The following TAF4B variants were observed in gnomAD, a reference collection of about 807,000 sequenced individuals.
TAF4B encodes the protein transcription initiation factor TFIID subunit 4B.
Under a neutral mutation model 86.4 loss-of-function variants are expected in TAF4B, and 38 were observed. The observed-to-expected ratio is 0.44, with a 90% CI of 0.34 to 0.58. The LOEUF (loss-of-function observed/expected upper bound fraction) is 0.58. Ranked by LOEUF, TAF4B falls within the 20% of genes least tolerant of loss-of-function variation. The probability of loss-of-function intolerance (pLI) is 0.02; values close to 1 mark genes in which losing one functional copy is unlikely to be tolerated. For missense variants in TAF4B, 988 were observed against 1,027.6 expected (o/e 0.96, Z 0.53); for synonymous variants, 388 against 391.2 (o/e 0.99, Z 0.10).
At chr18:26,248,977 T>C (rs981145708) in intron 1 of TAF4B, among the ~76,000 whole-genome samples, 1 of 150,288 alleles carries the variant, frequency 6.7e-6, no homozygotes, top group African/African-American at 2.4e-5. Context: ...ATCAAGACCA[T>C]CCTGGCCAAC....
At chr18:26,304,240 A>C (rs2056772064) in intron 9 of TAF4B, among the ~76,000 whole-genome samples, 1 of 149,660 alleles carries the variant, frequency 6.7e-6, no homozygotes, top group South Asian at 2.1e-4. Flanking sequence ...ATATGTTCAC[A>C]TTTAAAGATA....
intron 12 of TAF4B, among the ~76,000 whole-genome samples, chr18:26,334,554 C>A (rs2057075673): frequency 6.6e-6 from 1 of 152,048 alleles, no homozygotes. Context: ...TCTTCTTATG[C>A]CAGTTCTGTA....
intron 11 of TAF4B, among the ~76,000 whole-genome samples, chr18:26,321,670 A>G (rs2144677214): frequency 6.6e-6 from 1 of 152,122 alleles, no homozygotes; most frequent in African/African-American, 2.4e-5. Context: ...TAAAATTATT[A>G]CTATTTAGTT....
At chr18:26,333,247 G>A (rs2057065645) in intron 12 of TAF4B, among the ~76,000 whole-genome samples, 1 of 150,656 alleles carries the variant, frequency 6.6e-6, no homozygotes, top group South Asian at 2.1e-4. Flanking sequence ...TGGAGACAGG[G>A]TCTTGCTGTG....
intron 10 of TAF4B, among the ~76,000 whole-genome samples, chr18:26,319,646 A>G (rs993204068): frequency 1.3e-5 from 2 of 151,508 alleles, no homozygotes; most frequent in Non-Finnish European, 2.9e-5. Context: ...CTGGAGCGCA[A>G]TGGTGCGATC....
rs78040519 is a variant in TAF4B, at chr18:26,354,581, T to C, written c.2317-3109T>C. On this transcript the variant is annotated intron_variant, in intron 13 of 14. Coordinates refer to ENST00000269142, the MANE Select transcript of TAF4B (RefSeq NM_005640.3). ...TCCTATGGCTTGAGCTGTTAGAAAC[T>C]GTGTTAATGTTTTTTAGGCCAAGGT... 9.8e-3 allele frequency among the ~76,000 whole-genome samples: 1,494 copies of C among 152,308 alleles called. 12 individuals are homozygous for C. The highest frequency in any genetic ancestry group is 0.033 in the African/African-American group (1,389 of 41,550).
chr18:26,289,819 A>G (rs952428992), intron 7 of TAF4B, among the ~76,000 whole-genome samples: 1 of 152,208 alleles, frequency 6.6e-6, no homozygotes, highest in African/African-American at 2.4e-5. Context: ...TTTTCTCAGC[A>G]GATGTTCAGG....
At chr18:26,381,223 C>T (rs1435587301) in intron 14 of TAF4B, among the ~76,000 whole-genome samples, 1 of 151,790 alleles carries the variant, frequency 6.6e-6, no homozygotes, top group Non-Finnish European at 1.5e-5. Flanking sequence ...CCATGTTTCC[C>T]AGGCTGGTCT....
intron 1 of TAF4B, among the ~76,000 whole-genome samples, chr18:26,247,658 G>T (rs1219928773): frequency 6.6e-6 from 1 of 152,146 alleles, no homozygotes. Context: ...GAGGCAGGCA[G>T]ATCACTTGTG....
Position 26,346,245 on chromosome 18 carries a change from A to C in TAF4B, c.2316+11014A>C, listed in dbSNP as rs143185136. On this transcript the variant is annotated intron_variant, in intron 13 of 14. Transcript: ENST00000269142. ...ATAAAAAATACAGTTGAGACCTTTA[A>C]CAATACCCTACACCAAGCAGAAAAA... Among the ~76,000 whole-genome samples the C allele has an allele frequency of 2.9e-3, 441 of 152,238 alleles. 5 individuals carry two copies. Among genetic ancestry groups the C allele is most frequent in the East Asian group, 0.019 (98 of 5,176 alleles).
chr18:26,319,252 G>A (rs2056939336), intron 10 of TAF4B, among the ~76,000 whole-genome samples: 1 of 151,882 alleles, frequency 6.6e-6, no homozygotes, highest in African/African-American at 2.4e-5. Flanking sequence ...AGCACTTTGG[G>A]AAGCTGAGGC....
intron 14 of TAF4B, among the ~76,000 whole-genome samples, chr18:26,382,968 A>T (rs1434873674): frequency 6.6e-6 from 1 of 152,212 alleles, no homozygotes; most frequent in East Asian, 1.9e-4. Flanking sequence ...AATCCAAAAG[A>T]ACTTAGATGA....
intron 1 of TAF4B, among the ~76,000 whole-genome samples, chr18:26,262,693 C>T (rs1465045331): frequency 1.3e-5 from 2 of 152,080 alleles, no homozygotes; most frequent in Admixed American, 1.3e-4. Context: ...GTTGGCCAGG[C>T]TTGTCTCAAA....
In TAF4B at chr18:26,306,609, G is replaced by A. The variant is rs188580041; in HGVS notation, c.1833-8620G>A. On this transcript the variant is annotated intron_variant, in intron 9 of 14. Coordinates refer to ENST00000269142, the MANE Select transcript of TAF4B (RefSeq NM_005640.3). ...TGGAAAAGGAGTATTTATAATCTCA[G>A]CTATTTCTTAGATATTTTTGTACAA... Among the ~76,000 whole-genome samples, 51 of 152,128 alleles carry A rather than the reference G, an allele frequency of 3.4e-4. No homozygotes were observed. In the East Asian group the frequency reaches 6.0e-3, roughly 18 times the overall value.
intron 6 of TAF4B, among the ~76,000 whole-genome samples, chr18:26,282,494 A>C (rs980263048): frequency 2.0e-5 from 3 of 152,228 alleles, no homozygotes; most frequent in Non-Finnish European, 4.4e-5. Flanking sequence ...TATGCTAATT[A>C]AAAAATATTT....
Position 26,226,758 on chromosome 18 carries a change from C to T in TAF4B, c.-176C>T. 1 of 480,778 alleles carries T rather than the reference C, an allele frequency of 2.1e-6. No individual in the cohort carries two copies. Among genetic ancestry groups the T allele is most frequent in the Non-Finnish European group, 3.5e-6 (1 of 287,560 alleles). The allele number at this position is 480,778 out of a possible 1,614,324, so 29.8% of individuals were successfully genotyped here. A position where few individuals can be genotyped will look rare whatever the true frequency, so the allele number is the denominator to read the frequency against. ...GGACGAGAGGAAGGTCCGGGACGCG[C>T]GTGTCCTGCCGTGCAGCGGGCGCCC... On this transcript the variant is annotated 5_prime_UTR_variant, in exon 1 of 15. Transcript: ENST00000269142.
chr18:26,297,982 A>T (rs771009530), intron 9 of TAF4B, among the ~76,000 whole-genome samples: 4 of 151,748 alleles, frequency 2.6e-5, no homozygotes, highest in Non-Finnish European at 5.9e-5. Flanking sequence ...ATTCTGTTCT[A>T]GTTGCTCTGC....
Position 26,342,517 on chromosome 18 carries a change from G to A in TAF4B, c.2316+7286G>A, listed in dbSNP as rs970550750. 5.9e-5 allele frequency among the ~76,000 whole-genome samples: 9 copies of A among 152,090 alleles called. 1 individual carries two copies. The highest frequency in any genetic ancestry group is 2.2e-4 in the African/African-American group (9 of 41,416). On this transcript the variant is annotated intron_variant, in intron 13 of 14. Transcript: ENST00000269142. The stretch of plus-strand genomic sequence containing the variant: ...TTTATTCTTGAAAATTATGTGCTTA[G>A]CATCAAGAAGTACGTCTATTGAACG...
At chr18:26,275,761 A>T (rs1266026478) in intron 5 of TAF4B, among the ~76,000 whole-genome samples, 1 of 152,138 alleles carries the variant, frequency 6.6e-6, no homozygotes, top group Non-Finnish European at 1.5e-5. Context: ...CATGCCTGTA[A>T]TCCCAGCACT....
Sources: gnomAD v4.1 joint callset for allele counts (sites outside exome capture counted in the v4.1 genomes callset) on GRCh38, gnomAD v4.1.1 for gene constraint, MANE v1.5 for transcripts, NCBI Gene and HGNC (gene_info 2026-07-23, HGNC 2026-07-21) for gene names.